The following TMEM145 variants were observed in gnomAD, a reference collection of about 807,000 sequenced individuals.
TMEM145 encodes transmembrane protein 145.
In TMEM145, 46 loss-of-function variants were observed where a neutral mutation model predicts 68.5. The ratio of observed to expected loss-of-function variants is 0.67; its 90% CI spans 0.53 to 0.86. The LOEUF is 0.86. TMEM145 is among the 40% of genes least tolerant of loss of function. The pLI is 0.00. For synonymous variants in TMEM145, 255 were observed against 280.2 expected, an observed-to-expected ratio of 0.91 and a Z score of 0.90; for missense variants, 570 against 645.8, an observed-to-expected ratio of 0.88 and a Z score of 1.27.
At chr19:42,320,545 T>C in intron 13 of TMEM145, 108 bp downstream of exon 13, 2 of 1,518,886 alleles carry the variant, frequency 1.3e-6, no homozygotes, top group Non-Finnish European at 1.8e-6. Flanking sequence ...TCTTGATCCA[T>C]TTTCCTTTTA....
chr19:42,314,641 G>A lies in TMEM145; in HGVS notation c.302G>A (p.Arg101Gln), dbSNP rs775934464. The A allele has an allele frequency of 1.9e-5, 31 of 1,614,040 alleles. No homozygotes were observed. The highest frequency in any genetic ancestry group is 6.7e-5 in the Admixed American group (4 of 59,994). Reference protein sequence around the residue: ...KDCLAKESVIRPENNQVINLT... With the variant: ...KDCLAKESVIQPENNQVINLT... ...TGCCTGGCCAAGGAGTCAGTGATCC[G>A]GCCGGAGAACAACCAGGTCATCAAC... Residue 101 changes from arginine to glutamine, a missense_variant, in exon 4 of 15, where the codon CGG becomes CAG. Coordinates refer to ENST00000301204, the MANE Select transcript of TMEM145 (RefSeq NM_173633.3).
In TMEM145 at chr19:42,314,474, C is replaced by G. The variant is rs531296750; in HGVS notation, c.219C>G (p.Leu73=). 1.9e-6 allele frequency: 3 copies of G among 1,614,172 alleles called. No individual in the cohort carries two copies. Among genetic ancestry groups the G allele is most frequent in the East Asian group, 2.2e-5 (1 of 44,876 alleles). Reference sequence around the variant, plus strand: ...AGGCCAAGTGCTGTCAGAACATCCTCCTCTATTTTGATGACCCATCCCAGT... The same window carrying G: ...AGGCCAAGTGCTGTCAGAACATCCTGCTCTATTTTGATGACCCATCCCAGT... ...YPEAKCCQNI[L]LYFDDPSQWP... The change falls in exon 3 of 15, where the codon CTC becomes CTG. Residue 73 remains leucine (L), a synonymous_variant. Transcript: ENST00000301204.
intron 12 of TMEM145, among the ~76,000 whole-genome samples, chr19:42,318,311 T>A (rs1215761896): frequency 7.1e-6 from 1 of 140,910 alleles, no homozygotes; most frequent in Non-Finnish European, 1.5e-5. Context: ...GAGCTTGCAG[T>A]GAACCAAGAT....
intron 11 of TMEM145, among the ~76,000 whole-genome samples, 189 bp downstream of exon 11, chr19:42,317,152 T>G (rs1468073457): frequency 1.3e-5 from 2 of 152,216 alleles, no homozygotes; most frequent in Non-Finnish European, 2.9e-5. Flanking sequence ...GCAGCAGCTT[T>G]CTTTCTCCTC....
In TMEM145 at chr19:42,317,878, T is replaced by C. The variant is rs1311504641; in HGVS notation, c.1070T>C (p.Leu357Pro). 6.2e-7 allele frequency: 1 copy of C among 1,614,072 alleles called. No homozygotes were observed. The highest frequency in any genetic ancestry group is 1.7e-5 in the Admixed American group (1 of 60,008). Residue 357 changes from leucine (L) to proline (P), a missense_variant, in exon 12 of 15, where the codon CTC becomes CCC. By Grantham distance (98) the Leu-to-Pro change is moderately conservative. Transcript: ENST00000301204. ...FYVPFFAAYT[L>P]WFFAVPVMAL... The stretch of plus-strand genomic sequence containing the variant: ...GTGCCCTTCTTTGCTGCCTATACCC[T>C]CTGGTGAGAATTGGTGGGCCCCAGC...
chr19:42,324,520 G>A (rs1253250043), intron 14 of TMEM145: 2 of 985,150 alleles, frequency 2.0e-6, no homozygotes, highest in Non-Finnish European at 2.4e-6. Context: ...CTGCACCCCC[G>A]GTCTGAGCAC....
At position 42,313,432 on chromosome 19, in the gene TMEM145, T is replaced by A; in HGVS notation, c.56T>A (p.Leu19Gln). 7.2e-7 allele frequency: 1 copy of A among 1,380,598 alleles called. No homozygotes were observed. Among genetic ancestry groups the A allele is most frequent in the East Asian group, 3.1e-5 (1 of 32,650 alleles). 85.5% of individuals were successfully genotyped at this position (1,380,598 alleles called of 1,614,324 possible). The change falls in exon 1 of 15, where the codon CTG becomes CAG. Residue 19 changes from leucine to glutamine, a missense_variant. By Grantham distance (113) the Leu-to-Gln change is moderately radical. Transcript: ENST00000301204. The surrounding 1 kb of genome is among the most constrained non-coding windows in gnomAD (Gnocchi z 5.1). Reference protein sequence around the residue: ...LRRLLPPLLLLLLSLPPRARA... With the variant: ...LRRLLPPLLLQLLSLPPRARA... ...CGCCTGCTGCCGCCGCTGCTGCTCC[T>A]GCTGCTGTCACTGCCCCCCCGCGCC...
intron 12 of TMEM145, among the ~76,000 whole-genome samples, chr19:42,319,829 C>T (rs751037442): frequency 3.1e-4 from 46 of 148,060 alleles, no homozygotes; most frequent in South Asian, 8.7e-4. Context: ...GTACAATCTC[C>T]GCTCACTGCA....
At chr19:42,321,234 T>TC in intron 13 of TMEM145, 2 of 398,062 alleles carry the variant, frequency 5.0e-6, no homozygotes, top group East Asian at 7.1e-5. Flanking sequence ...CATCTTTTTT[T>TC]TTTTTTTTTG....
intron 14 of TMEM145, chr19:42,324,142 C>T (rs985845056): frequency 5.4e-5 from 35 of 650,722 alleles, no homozygotes; most frequent in Non-Finnish European, 6.1e-5. Context: ...CGCCCCGCCA[C>T]CCAGTCCTTC....
chr19:42,317,704 T>C lies in TMEM145; in HGVS notation c.901-5T>C. On this transcript the variant is annotated splice_polypyrimidine_tract_variant and splice_region_variant and intron_variant, in intron 11 of 14. Coordinates refer to ENST00000301204, the MANE Select transcript of TMEM145 (RefSeq NM_173633.3). ...GCTGTGATGGACCCTCTCCTGCGGG[T>C]CTAGTTCTTTGACCCAGGCCAGGTA... is the stretch of plus-strand genomic sequence containing the variant. The C allele has an allele frequency of 6.2e-7, 1 of 1,613,856 alleles. No homozygotes were observed. Among genetic ancestry groups the C allele is most frequent in the Non-Finnish European group, 8.5e-7 (1 of 1,179,880 alleles).
chr19:42,323,780 C>G lies in TMEM145; in HGVS notation c.1392C>G (p.Pro464=). The change falls in exon 14 of 15, where the codon CCC becomes CCG. Residue 464 remains proline, a synonymous_variant. Transcript: ENST00000301204. ...CGGAGCTCTTCTCCATCCCCCCGCCCGCCACCTCCGTAAGCCCCGCGGCCC... is the reference window on the plus strand; with the variant it reads ...CGGAGCTCTTCTCCATCCCCCCGCCGGCCACCTCCGTAAGCCCCGCGGCCC... ...NFTELFSIPP[P]ATSPLPRAAP... is the part of the protein sequence containing the mutation. 1 of 1,613,874 alleles carries G rather than the reference C, an allele frequency of 6.2e-7. No individual in the cohort carries two copies. The highest frequency in any genetic ancestry group is 1.1e-5 in the South Asian group (1 of 91,082).
Position 42,317,690 on chromosome 19 carries a change from CCCTCT to C in TMEM145, c.901-15_901-11del. On this transcript the variant is annotated splice_polypyrimidine_tract_variant and intron_variant, in intron 11 of 14. Transcript: ENST00000301204. ...GGGGAGGAGGCCAGGCTGTGATGGA[CCCTCT>C]CCTGCGGGTCTAGTTCTTTGACCCA... is the stretch of plus-strand genomic sequence containing the variant. 1 of 1,613,550 alleles carries C rather than the reference CCCTCT, an allele frequency of 6.2e-7. No individual in the cohort carries two copies. The highest frequency in any genetic ancestry group is 1.1e-5 in the South Asian group (1 of 91,048).
At position 42,316,547 on chromosome 19, in the gene TMEM145, G is replaced by A. The variant is rs2038859669; in HGVS notation, c.713G>A (p.Ser238Asn). 3.7e-6 allele frequency: 6 copies of A among 1,614,196 alleles called. No individual in the cohort carries two copies. The highest frequency in any genetic ancestry group is 1.7e-5 in the Admixed American group (1 of 60,028). Residue 238 changes from serine to asparagine, a missense_variant, in exon 9 of 15, where the codon AGT (serine) becomes AAT (asparagine). By Grantham distance (46) the Ser-to-Asn change is conservative. Transcript: ENST00000301204. ...QYATDGIGNE[S>N]VKILAKLLFS... Reference sequence around the variant, plus strand: ...GCCACCGATGGCATTGGCAACGAGAGTGTGAAGATCTTGGGTGAGAATGAA... The same window carrying A: ...GCCACCGATGGCATTGGCAACGAGAATGTGAAGATCTTGGGTGAGAATGAA...
At chr19:42,322,470 G>T (rs1403620010) in intron 13 of TMEM145, among the ~76,000 whole-genome samples, 1 of 152,140 alleles carries the variant, frequency 6.6e-6, no homozygotes, top group Non-Finnish European at 1.5e-5. Flanking sequence ...ATCTCAGCCA[G>T]CTTCCTTCCT....
At position 42,323,792 on chromosome 19, in the gene TMEM145, A is replaced by G. The variant is rs1171168369; in HGVS notation, c.1401+3A>G. ...CCATCCCCCCGCCCGCCACCTCCGT[A>G]AGCCCCGCGGCCCCAGCGCCCGAGG... On this transcript the variant is annotated splice_donor_region_variant and intron_variant, in intron 14 of 14. Coordinates refer to ENST00000301204, the MANE Select transcript of TMEM145 (RefSeq NM_173633.3). 6.2e-7 allele frequency: 1 copy of G among 1,612,644 alleles called. No homozygotes were observed. Among genetic ancestry groups the G allele is most frequent in the African/African-American group, 1.3e-5 (1 of 74,600 alleles).
At chr19:42,319,509 C>T (rs1048378598) in intron 12 of TMEM145, among the ~76,000 whole-genome samples, 19 of 152,116 alleles carry the variant, frequency 1.2e-4, no homozygotes, top group Non-Finnish European at 2.1e-4. Flanking sequence ...TGCAGTGGCA[C>T]GATCTCAGCT....
rs1470529439 is a variant in TMEM145, at chr19:42,316,749, G to GCAGGGCGTGCT, written c.806+11_806+21dup. 6.2e-7 allele frequency: 1 copy of GCAGGGCGTGCT among 1,613,072 alleles called. No individual in the cohort carries two copies. The highest frequency in any genetic ancestry group is 8.5e-7 in the Non-Finnish European group (1 of 1,179,868). On this transcript the variant is annotated intron_variant, in intron 10 of 14. Transcript: ENST00000301204. Reference sequence around the variant, plus strand: ...GGATTCACGGTGACACGGTGCCCGGGCAGGGCGTGCTCGTGGGGCGGCTGG... The same window carrying GCAGGGCGTGCT: ...GGATTCACGGTGACACGGTGCCCGGGCAGGGCGTGCTCAGGGCGTGCTCGTGGGGCGGCTGG...
Position 42,324,831 on chromosome 19 carries a change from C to T in TMEM145, c.*14C>T, listed in dbSNP as rs1269895387. 3.4e-5 allele frequency: 52 copies of T among 1,544,394 alleles called. No individual in the cohort carries two copies. The Admixed American group carries it at 9.7e-4, about 29-fold the overall frequency. ...CGAGACCTCTGACCCCGCTGGACTC[C>T]GGAACACCCGTGGTGACCGCCGGGA... On this transcript the variant is annotated 3_prime_UTR_variant, in exon 15 of 15. Transcript: ENST00000301204.
Sources: gnomAD v4.1 joint callset for allele counts (sites outside exome capture counted in the v4.1 genomes callset) on GRCh38, gnomAD v4.1.1 for gene constraint, Gnocchi (gnomAD v3.1) non-coding constraint, MANE v1.5 for transcripts, NCBI Gene and HGNC (gene_info 2026-07-23, HGNC 2026-07-21) for gene names.